INSL6: variants seen among roughly 807,000 people sequenced by gnomAD.
INSL6 encodes the protein insulin like 6.
In INSL6, 16 loss-of-function variants were observed where a neutral mutation model predicts 9.4. The ratio of observed to expected loss-of-function variants is 1.70; its 90% confidence interval spans 1.15 to 2.59. INSL6 has a LOEUF of 2.59. Among genes scored for constraint, INSL6 ranks in the 30% most tolerant of loss-of-function variants. The probability of loss-of-function intolerance (pLI) is 0.00; values close to 1 mark genes in which losing one functional copy is unlikely to be tolerated. For missense variants in INSL6, 391 were observed against 257.3 expected (o/e 1.52, Z -3.56); for synonymous variants, 154 against 96.9 (o/e 1.59, Z -3.46).
At chr9:5,019,668 T>G in the INSL6 span, among the ~76,000 whole-genome samples, 1 of 152,216 alleles carries the variant, frequency 6.6e-6, no homozygotes, top group East Asian at 1.9e-4. Context: ...ATCACTTCCA[T>G]TTTTTTGAAT....
the INSL6 span, among the ~76,000 whole-genome samples, chr9:5,113,107 G>A: frequency 6.0e-5 from 9 of 149,722 alleles, no homozygotes; most frequent in Middle Eastern, 3.5e-3. Context: ...CCCTGCCCCC[G>A]TATCTCAGCC....
the INSL6 span, chr9:5,109,074 T>G: frequency 2.0e-5 from 3 of 152,132 alleles, no homozygotes; most frequent in African/African-American, 7.2e-5. Flanking sequence ...CATGGCTTCA[T>G]TCTCCTGATC....
chr9:5,001,059 T>A, the INSL6 span, among the ~76,000 whole-genome samples: 1 of 152,258 alleles, frequency 6.6e-6, no homozygotes, highest in Non-Finnish European at 1.5e-5. Context: ...TGATGTATCC[T>A]GTGATACTGG....
the INSL6 span, among the ~76,000 whole-genome samples, chr9:5,106,648 C>A: frequency 6.6e-6 from 1 of 152,092 alleles, no homozygotes; most frequent in Non-Finnish European, 1.5e-5. Context: ...TTGGAACCAA[C>A]CCAAATGCCC....
chr9:5,108,154 C>G, the INSL6 span: 2 of 152,060 alleles, frequency 1.3e-5, no homozygotes, highest in East Asian at 1.9e-4. Context: ...ATAATCCTAG[C>G]AAGCCAATAT....
chr9:5,130,335 C>T (rs776170624), intron 3 of INSL6, among the ~76,000 whole-genome samples: 4 of 152,286 alleles, frequency 2.6e-5, no homozygotes, highest in Middle Eastern at 6.8e-3. Context: ...AGTAAATCAT[C>T]TTTGAGCAGT....
the INSL6 span, among the ~76,000 whole-genome samples, chr9:5,087,009 G>T: frequency 1.3e-5 from 2 of 151,850 alleles, no homozygotes; most frequent in Non-Finnish European, 2.9e-5. Flanking sequence ...TTTTTAAATT[G>T]TGCTTCCATC....
the INSL6 span, among the ~76,000 whole-genome samples, chr9:5,048,999 C>G: frequency 1.3e-5 from 2 of 152,088 alleles, no homozygotes; most frequent in African/African-American, 4.8e-5. Flanking sequence ...TCAGATTTAT[C>G]TGTATTCCTA....
chr9:5,133,338 A>G (rs1483442533), intron 3 of INSL6: 1 of 152,132 alleles, frequency 6.6e-6, no homozygotes, highest in African/African-American at 2.4e-5. Flanking sequence ...CAGATACGAC[A>G]GTGTCAGAAA....
At chr9:5,162,769 C>A (rs570009205), downstream of INSL6, among the ~76,000 whole-genome samples, 5 of 152,286 alleles carry the variant, frequency 3.3e-5, no homozygotes, top group Admixed American at 6.5e-5. Context: ...GGAAAAGAAC[C>A]TTTGTTCTAA....
chr9:5,110,383 C>T, the INSL6 span: 46 of 152,402 alleles, frequency 3.0e-4, no homozygotes, highest in African/African-American at 1.1e-3. Flanking sequence ...TTCTCCACCT[C>T]AAGTCAGCTG....
At chr9:5,085,615 C>G in the INSL6 span, 1 of 702,736 alleles carries the variant, frequency 1.4e-6, no homozygotes, top group East Asian at 2.5e-5. Flanking sequence ...AATTAAATCT[C>G]CAGCAAGGAC....
At chr9:5,101,423 C>A in the INSL6 span, among the ~76,000 whole-genome samples, 229 of 152,366 alleles carry the variant, frequency 1.5e-3, 1 homozygote, top group African/African-American at 5.0e-3. Context: ...GCAAGGCCTG[C>A]TGCCTTTGTA....
the INSL6 span, among the ~76,000 whole-genome samples, chr9:5,063,917 G>T: frequency 3.9e-5 from 6 of 152,214 alleles, no homozygotes; most frequent in Admixed American, 2.6e-4. Flanking sequence ...CAGCACTTTG[G>T]GAGGCCAAGG....
the INSL6 span, among the ~76,000 whole-genome samples, chr9:5,049,276 T>G: frequency 3.0e-4 from 46 of 152,318 alleles, no homozygotes; most frequent in East Asian, 8.7e-3. Context: ...CTCCATAGTT[T>G]CTAGGATCAG....
chr9:5,184,969 T>C (rs1161356450), intron 1 of INSL6, among the ~76,000 whole-genome samples: 1 of 152,136 alleles, frequency 6.6e-6, no homozygotes, highest in African/African-American at 2.4e-5. Flanking sequence ...AATGGAGCCA[T>C]TGGCCATGAA....
chr9:5,000,312 T>G, the INSL6 span, among the ~76,000 whole-genome samples: 4 of 152,156 alleles, frequency 2.6e-5, no homozygotes, highest in Non-Finnish European at 5.9e-5. Flanking sequence ...TAGTTAGATA[T>G]AAAACATACC....
chr9:5,073,209 A>C, the INSL6 span, among the ~76,000 whole-genome samples: 19 of 152,370 alleles, frequency 1.2e-4, no homozygotes, highest in Non-Finnish European at 2.4e-4. Context: ...TGATTCACTA[A>C]TCATACCCAG....
chr9:5,033,981 G>A, the INSL6 span, among the ~76,000 whole-genome samples: 1 of 152,190 alleles, frequency 6.6e-6, no homozygotes, highest in Admixed American at 6.5e-5. Context: ...TCAGTGTGCT[G>A]TATTCAGGAA....
Sources: gnomAD v4.1 joint callset for allele counts (sites outside exome capture counted in the v4.1 genomes callset) on GRCh38, gnomAD v4.1.1 for gene constraint, MANE v1.5 for transcripts, NCBI Gene and HGNC (gene_info 2026-07-23, HGNC 2026-07-21) for gene names.